The following UNC79 variants were observed in gnomAD, a reference collection of about 807,000 sequenced individuals.
UNC79 encodes protein unc-79 homolog.
A neutral mutation model predicts 283.1 loss-of-function variants in UNC79; 37 were observed. That is an observed-to-expected ratio of 0.13 (90% CI 0.10 to 0.17). UNC79 has a LOEUF of 0.17. Ranked by LOEUF, UNC79 falls within the 10% of genes least tolerant of loss-of-function variation. The pLI is 1.00. For synonymous variants in UNC79, 1,107 were observed against 1,200.2 expected (o/e 0.92, Z 1.61); for missense variants, 2,272 against 3,211.1 (o/e 0.71, Z 7.07).
chr14:93,480,727 G>T (rs943774267), intron 4 of UNC79, among the ~76,000 whole-genome samples: 2 of 152,132 alleles, frequency 1.3e-5, no homozygotes, highest in African/African-American at 4.8e-5. Context: ...ATGTGTGTCC[G>T]TGTGTCGTAT....
chr14:93,479,684 G>A (rs138840200), intron 4 of UNC79, among the ~76,000 whole-genome samples: 2,071 of 152,062 alleles, frequency 0.014, 56 homozygotes, highest in African/African-American at 0.048. Flanking sequence ...GCCTGGGCTG[G>A]AGTGCAGTGG....
Position 93,339,119 on chromosome 14 carries a change from A to G in UNC79, c.-351+5596A>G, listed in dbSNP as rs555091494. ...AAATAGAGCATCCTTGACATAAGTAATGCCATCTTAGAAAAAGACTCCATC... is the reference window on the plus strand; with the variant it reads ...AAATAGAGCATCCTTGACATAAGTAGTGCCATCTTAGAAAAAGACTCCATC... On this transcript the variant is annotated intron_variant, in intron 1 of 49. Transcript: ENST00000256339. Among the ~76,000 whole-genome samples the G allele has an allele frequency of 1.9e-4, 29 of 152,278 alleles. 1 individual carries two copies. In the South Asian group the frequency reaches 3.7e-3, roughly 20 times the overall value.
intron 1 of UNC79, among the ~76,000 whole-genome samples, chr14:93,346,993 G>GT (rs2053850954): frequency 6.6e-6 from 1 of 151,936 alleles, no homozygotes; most frequent in Non-Finnish European, 1.5e-5. Context: ...GGTGGAAGGG[G>GT]TGGTGCAGAG....
At chr14:93,406,021 G>A (rs562696219) in intron 1 of UNC79, among the ~76,000 whole-genome samples, 5 of 152,216 alleles carry the variant, frequency 3.3e-5, no homozygotes, top group East Asian at 3.9e-4. Flanking sequence ...CAGGATGGCT[G>A]ATCACCATTC....
chr14:93,394,820 T>C (rs984370862), intron 1 of UNC79, among the ~76,000 whole-genome samples: 7 of 152,230 alleles, frequency 4.6e-5, no homozygotes, highest in African/African-American at 1.7e-4. Flanking sequence ...CAAGCAATCC[T>C]TTCACCTCAG....
At chr14:93,636,349 A>AC (rs745517011) in intron 31 of UNC79, among the ~76,000 whole-genome samples, 2 of 152,140 alleles carry the variant, frequency 1.3e-5, no homozygotes, top group Non-Finnish European at 2.9e-5. Context: ...TTCTCGAGTC[A>AC]CCAAGTCCTA....
rs117890482 is a variant in UNC79, at chr14:93,646,002, C to T, written c.6045-606C>T. Among the ~76,000 whole-genome samples the T allele has an allele frequency of 5.0e-4, 76 of 152,190 alleles. No individual in the cohort carries two copies. The East Asian group carries it at 0.012, about 23-fold the overall frequency. On this transcript the variant is annotated intron_variant, in intron 34 of 48. Transcript: ENST00000555664. ...TGATCCAGACATGTTATTCTAAACC[C>T]ATCAGTATAGTCCATTCTCTTTCTA...
chr14:93,682,570 A>G (rs2073932033), intron 41 of UNC79, 47 bp from the exon 45 acceptor site: 1 of 1,480,034 alleles, frequency 6.8e-7, no homozygotes, highest in Non-Finnish European at 9.4e-7. Flanking sequence ...TTACTTATTA[A>G]TGTCCAGATA....
intron 7 of UNC79, among the ~76,000 whole-genome samples, chr14:93,516,711 G>C (rs1199396579): frequency 1.3e-5 from 2 of 152,056 alleles, no homozygotes; most frequent in Non-Finnish European, 2.9e-5. Context: ...GCCTCCCAAA[G>C]TGCTGGGATT....
Position 93,359,209 on chromosome 14 carries a change from G to C in UNC79, c.-351+25686G>C, listed in dbSNP as rs557278592. Among the ~76,000 whole-genome samples the C allele has an allele frequency of 5.9e-5, 9 of 152,340 alleles. No individual in the cohort carries two copies. In the South Asian group the frequency reaches 1.9e-3, roughly 32 times the overall value. On this transcript the variant is annotated intron_variant, in intron 1 of 49. Coordinates refer to the UNC79 transcript ENST00000256339. ...TTAAAAGATGGCCCACTGCAAGTGA[G>C]CTGGAAATGCCTGATCTCCCTTGGT...
At chr14:93,594,339 G>A (rs1378082552) in intron 23 of UNC79, among the ~76,000 whole-genome samples, 3 of 151,934 alleles carry the variant, frequency 2.0e-5, no homozygotes, top group Admixed American at 6.6e-5. Context: ...GCATGATCTC[G>A]GCTCACTGCA....
chr14:93,622,001 G>C (rs765943464), exon 30 of UNC79: 3 of 1,613,980 alleles, frequency 1.9e-6, no homozygotes, highest in Non-Finnish European at 2.5e-6. Flanking sequence ...GGAGACTTTC[G>C]AGGTGAAAGT....
intron 2 of UNC79, among the ~76,000 whole-genome samples, chr14:93,471,138 G>A (rs993582843): frequency 6.6e-6 from 1 of 152,120 alleles, no homozygotes; most frequent in African/African-American, 2.4e-5. Context: ...TAATTGAATT[G>A]TAATTTCCAG....
At position 93,479,224 on chromosome 14, in the gene UNC79, CTTCCT is replaced by C. The variant is rs1198939204; in HGVS notation, c.619+1503_619+1507del. 2.1e-3 allele frequency among the ~76,000 whole-genome samples: 307 copies of C among 146,916 alleles called. 1 individual carries two copies. The highest frequency in any genetic ancestry group is 7.3e-3 in the African/African-American group (291 of 39,690). On this transcript the variant is annotated intron_variant, in intron 4 of 48. Coordinates refer to ENST00000555664, the Ensembl canonical transcript of UNC79. ...CCTTCCTTCCTTCCTTCCTTCCTTC[CTTCCT>C]TTCCTTCCTTCCTCCTTCCCTCCCT...
intron 1 of UNC79, among the ~76,000 whole-genome samples, chr14:93,403,394 G>A (rs2055151904): frequency 6.6e-6 from 1 of 152,180 alleles, no homozygotes; most frequent in Non-Finnish European, 1.5e-5. Context: ...AAAATTGCGA[G>A]GGAAGTAGAC....
chr14:93,642,275 A>T (rs1454654701), intron 33 of UNC79, among the ~76,000 whole-genome samples: 2 of 151,962 alleles, frequency 1.3e-5, no homozygotes, highest in Non-Finnish European at 2.9e-5. Flanking sequence ...ATACAAAAAA[A>T]TTAGCTGGGC....
intron 27 of UNC79, among the ~76,000 whole-genome samples, chr14:93,613,359 A>G (rs772629006): frequency 6.6e-6 from 1 of 152,060 alleles, no homozygotes; most frequent in Non-Finnish European, 1.5e-5. Context: ...ACCTTGTAGC[A>G]TATGAAGAGT....
chr14:93,602,652 C>CAA (rs1353080540), intron 25 of UNC79, among the ~76,000 whole-genome samples: 67 of 152,138 alleles, frequency 4.4e-4, no homozygotes, highest in Non-Finnish European at 3.5e-4. Context: ...GATGATGGTA[C>CAA]TTTGATGGGA....
intron 14 of UNC79, among the ~76,000 whole-genome samples, chr14:93,564,073 T>C (rs190060204): frequency 3.0e-4 from 45 of 152,308 alleles, no homozygotes; most frequent in Non-Finnish European, 5.9e-5. Flanking sequence ...ACAAAAAGGC[T>C]ACAGGGTGCA....
Sources: gnomAD v4.1 joint callset for allele counts (sites outside exome capture counted in the v4.1 genomes callset) on GRCh38, gnomAD v4.1.1 for gene constraint, MANE v1.5 for transcripts, NCBI Gene and HGNC (gene_info 2026-07-23, HGNC 2026-07-21) for gene names.